TMEM132B: variants seen among roughly 807,000 people sequenced by gnomAD.
The protein encoded by TMEM132B is transmembrane protein 132B.
A neutral mutation model predicts 90.8 loss-of-function variants in TMEM132B; 18 were observed. That is an observed-to-expected ratio of 0.20 (90% CI 0.14 to 0.29). TMEM132B has a LOEUF of 0.29. Among genes scored for constraint, TMEM132B ranks in the 10% least tolerant of loss-of-function variants. TMEM132B has a pLI of 1.00. For missense variants in TMEM132B, 1,096 were observed against 1,326.8 expected, an observed-to-expected ratio of 0.83 and a Z score of 2.70; for synonymous variants, 504 against 523.3, an observed-to-expected ratio of 0.96 and a Z score of 0.50.
At chr12:125,434,938 G>A (rs1880657957) in intron 3 of TMEM132B, among the ~76,000 whole-genome samples, 1 of 152,214 alleles carries the variant, frequency 6.6e-6, no homozygotes, top group Non-Finnish European at 1.5e-5. Context: ...TGCATGAGGA[G>A]AGAAGTCTGG....
At chr12:125,258,369 G>T (rs1395056837) in intron 1 of TMEM132B, among the ~76,000 whole-genome samples, 5 of 152,204 alleles carry the variant, frequency 3.3e-5, no homozygotes, top group Non-Finnish European at 7.3e-5. Context: ...AGCTGGGAAG[G>T]CTCTATGCTG....
At chr12:125,525,386 T>A (rs761162061) in intron 4 of TMEM132B, among the ~76,000 whole-genome samples, 1 of 152,210 alleles carries the variant, frequency 6.6e-6, no homozygotes, top group Non-Finnish European at 1.5e-5. Flanking sequence ...GGCTCTGCCC[T>A]CACAAATGGA....
intron 4 of TMEM132B, among the ~76,000 whole-genome samples, chr12:125,546,422 T>C (rs1359012488): frequency 6.6e-6 from 1 of 152,204 alleles, no homozygotes; most frequent in Non-Finnish European, 1.5e-5. Context: ...CACCTAGTGA[T>C]CCACCTGTCT....
chr12:125,644,812 G>A (rs1295702892), intron 6 of TMEM132B, among the ~76,000 whole-genome samples: 1 of 152,096 alleles, frequency 6.6e-6, no homozygotes, highest in African/African-American at 2.4e-5. Flanking sequence ...ACTTGTACCT[G>A]TGTGACATTG....
At chr12:125,322,555 T>C (rs542293637) in intron 1 of TMEM132B, among the ~76,000 whole-genome samples, 1 of 152,304 alleles carries the variant, frequency 6.6e-6, no homozygotes, top group Admixed American at 6.5e-5. Context: ...AGGGAGCTTT[T>C]GGGGTGTAGG....
At chr12:125,187,643 A>G (rs944766212) in intron 1 of TMEM132B, among the ~76,000 whole-genome samples, 3 of 152,178 alleles carry the variant, frequency 2.0e-5, no homozygotes, top group Non-Finnish European at 4.4e-5. Flanking sequence ...GCCCAATCCT[A>G]GTGAGTGGGA....
intron 3 of TMEM132B, among the ~76,000 whole-genome samples, chr12:125,469,853 C>G (rs1230542572): frequency 6.6e-6 from 1 of 152,106 alleles, no homozygotes; most frequent in Non-Finnish European, 1.5e-5. Flanking sequence ...GCATTGTTCC[C>G]CATGCCTCAC....
intron 3 of TMEM132B, among the ~76,000 whole-genome samples, chr12:125,497,540 G>C (rs1882592920): frequency 6.6e-6 from 1 of 152,170 alleles, no homozygotes; most frequent in Non-Finnish European, 1.5e-5. Context: ...ACTGAGTAGA[G>C]TCTTGAGCCA....
At chr12:125,434,769 A>G (rs75603414) in intron 3 of TMEM132B, among the ~76,000 whole-genome samples, 30,458 of 152,022 alleles carry the variant, frequency 0.2, 3,725 homozygotes, top group African/African-American at 0.35. Flanking sequence ...GCCTTCTCAG[A>G]TTTTCCTTTG....
intron 3 of TMEM132B, among the ~76,000 whole-genome samples, chr12:125,505,639 A>C (rs1882827118): frequency 6.6e-6 from 1 of 152,002 alleles, no homozygotes; most frequent in Non-Finnish European, 1.5e-5. Flanking sequence ...CAGAGGTTGC[A>C]GTGAACTGAG....
chr12:125,572,837 A>G (rs893553359), intron 4 of TMEM132B, among the ~76,000 whole-genome samples: 6 of 152,194 alleles, frequency 3.9e-5, no homozygotes, highest in Non-Finnish European at 5.9e-5. Context: ...TCTAAGAATC[A>G]ATCTTCCTTT....
intron 5 of TMEM132B, among the ~76,000 whole-genome samples, chr12:125,628,240 A>G (rs1350086913): frequency 2.0e-5 from 3 of 152,134 alleles, no homozygotes; most frequent in Non-Finnish European, 4.4e-5. Context: ...TCTCCACAGC[A>G]GTTGTACTAA....
chr12:125,422,433 C>T (rs1354881516), intron 3 of TMEM132B, among the ~76,000 whole-genome samples: 3 of 152,218 alleles, frequency 2.0e-5, no homozygotes, highest in African/African-American at 7.2e-5. Flanking sequence ...CTTGTTCCCA[C>T]AGGACTGAAA....
chr12:125,553,187 G>T (rs80104843), intron 4 of TMEM132B, among the ~76,000 whole-genome samples: 90 of 152,358 alleles, frequency 5.9e-4, no homozygotes, highest in Non-Finnish European at 9.3e-4. Flanking sequence ...GGGACTAATA[G>T]CTTCTCTGTA....
At chr12:125,317,291 G>A (rs1349248126) in intron 1 of TMEM132B, among the ~76,000 whole-genome samples, 6 of 152,294 alleles carry the variant, frequency 3.9e-5, no homozygotes, top group African/African-American at 1.4e-4. Context: ...CGCACCGTGT[G>A]ACTATTAGGC....
chr12:125,595,201 A>AG (rs1885412468), intron 5 of TMEM132B, among the ~76,000 whole-genome samples: 1 of 152,126 alleles, frequency 6.6e-6, no homozygotes, highest in Non-Finnish European at 1.5e-5. Flanking sequence ...AGCTCCATGA[A>AG]GGGGGAGGGA....
intron 4 of TMEM132B, among the ~76,000 whole-genome samples, chr12:125,579,363 C>CTT (rs34889952): frequency 2.9e-4 from 42 of 144,976 alleles, no homozygotes; most frequent in Non-Finnish European, 3.6e-4. Context: ...CTCATACTTG[C>CTT]TTTTTTTTTT....
At chr12:125,299,143 G>A (rs1875748160) in intron 1 of TMEM132B, among the ~76,000 whole-genome samples, 4 of 152,274 alleles carry the variant, frequency 2.6e-5, no homozygotes, top group Middle Eastern at 6.8e-3. Flanking sequence ...GTGCACCCTG[G>A]CGCTCTGCTG....
intron 3 of TMEM132B, among the ~76,000 whole-genome samples, chr12:125,474,768 C>A (rs1339862568): frequency 1.3e-5 from 2 of 152,180 alleles, no homozygotes; most frequent in East Asian, 3.9e-4. Context: ...GGGACCTGAC[C>A]TGCTGTCAGG....
Sources: gnomAD v4.1 joint callset for allele counts (sites outside exome capture counted in the v4.1 genomes callset) on GRCh38, gnomAD v4.1.1 for gene constraint, MANE v1.5 for transcripts, NCBI Gene and HGNC (gene_info 2026-07-23, HGNC 2026-07-21) for gene names.